NUFIP1: variants seen among roughly 807,000 people sequenced by gnomAD.
NUFIP1 encodes the protein FMR1-interacting protein NUFIP1.
In NUFIP1, 38 loss-of-function variants were observed where a neutral mutation model predicts 56.2. The ratio of observed to expected loss-of-function variants is 0.68; its 90% CI spans 0.52 to 0.89. The LOEUF is 0.89. NUFIP1 is among the 40% of genes least tolerant of loss of function. The probability of loss-of-function intolerance (pLI) is 0.00; values close to 1 mark genes in which losing one functional copy is unlikely to be tolerated. For synonymous variants in NUFIP1, 215 were observed against 212.4 expected (o/e 1.01, Z -0.10); for missense variants, 567 against 605.8 (o/e 0.94, Z 0.67).
At chr13:44,966,007 G>C in intron 5 of NUFIP1, 71 bp from the exon 6 acceptor site, 1 of 779,642 alleles carries the variant, frequency 1.3e-6, no homozygotes, top group Non-Finnish European at 1.9e-6. Flanking sequence ...TCAAGCAATT[G>C]CTGAATTTAG....
intron 7 of NUFIP1, among the ~76,000 whole-genome samples, chr13:44,955,298 C>T (rs978104252): frequency 1.3e-4 from 20 of 152,304 alleles, no homozygotes; most frequent in African/African-American, 2.4e-4. Context: ...AAAAGGCTTT[C>T]CCATCAAAAC....
chr13:44,950,421 CCA>C (rs1871050348), intron 7 of NUFIP1, among the ~76,000 whole-genome samples: 1 of 152,170 alleles, frequency 6.6e-6, no homozygotes, highest in South Asian at 2.1e-4. Flanking sequence ...TCTCGGCTCA[CCA>C]CAACCTCTGC....
Position 44,979,274 on chromosome 13 carries a change from GA to G in NUFIP1, c.658-9del, listed in dbSNP as rs34509344. The G allele has an allele frequency of 5.6e-6, 9 of 1,607,264 alleles. No homozygotes were observed. The highest frequency in any genetic ancestry group is 4.5e-5 in the South Asian group (4 of 89,594). ...CATGCCAGGAGCATGCATCTAGGGGGAAAAAGCCTGCTGAACATCAGGAGGC... is the reference window on the plus strand; with the variant it reads ...CATGCCAGGAGCATGCATCTAGGGGGAAAAGCCTGCTGAACATCAGGAGGC... On this transcript the variant is annotated splice_polypyrimidine_tract_variant and intron_variant, in intron 4 of 9. Coordinates refer to ENST00000379161, the MANE Select transcript of NUFIP1 (RefSeq NM_012345.3).
intron 6 of NUFIP1, 134 bp from the exon 7 acceptor site, chr13:44,959,708 A>T: frequency 2.9e-6 from 2 of 680,092 alleles, no homozygotes; most frequent in Non-Finnish European, 4.9e-6. Context: ...TAAAGAGACG[A>T]AAATAAAAGA....
intron 9 of NUFIP1, among the ~76,000 whole-genome samples, 189 bp from the exon 10 acceptor site, chr13:44,941,511 T>TTTTA (rs550537658): frequency 3.5e-4 from 53 of 152,292 alleles, no homozygotes; most frequent in African/African-American, 1.1e-3. Context: ...CTATCTAGCT[T>TTTTA]TTTATTTATT....
chr13:44,988,110 A>G (rs1394515904), intron 1 of NUFIP1, among the ~76,000 whole-genome samples: 3 of 152,232 alleles, frequency 2.0e-5, no homozygotes, highest in Admixed American at 2.0e-4. Flanking sequence ...CCTTATGACT[A>G]ACAATGACAT....
chr13:44,942,284 A>C lies in NUFIP1; in HGVS notation c.1372-962T>G, dbSNP rs563123054. ...GCTAGAAATCCCTGGTATTTAGAAC[A>C]AGCACATAATCAAGGAATCACATGT... On this transcript the variant is annotated intron_variant, in intron 9 of 9. Coordinates refer to ENST00000379161, the MANE Select transcript of NUFIP1 (RefSeq NM_012345.3). Among the ~76,000 whole-genome samples the C allele has an allele frequency of 2.6e-5, 4 of 152,344 alleles. No homozygotes were observed. The South Asian group carries it at 8.3e-4, about 32-fold the overall frequency.
intron 5 of NUFIP1, among the ~76,000 whole-genome samples, chr13:44,970,371 A>C (rs1273417715): frequency 6.6e-6 from 1 of 152,236 alleles, no homozygotes; most frequent in Non-Finnish European, 1.5e-5. Context: ...AAAGATAAGG[A>C]AGCCATATGC....
intron 2 of NUFIP1, 81 bp from the exon 3 acceptor site, chr13:44,980,901 A>G (rs1053555911): frequency 2.3e-5 from 19 of 816,354 alleles, no homozygotes; most frequent in Non-Finnish European, 3.7e-5. Flanking sequence ...TCATTCTAGT[A>G]ATACACACTT....
At chr13:44,943,716 A>C in intron 8 of NUFIP1, 42 bp from the exon 9 acceptor site, 4 of 1,496,428 alleles carry the variant, frequency 2.7e-6, no homozygotes, top group Non-Finnish European at 3.7e-6. Context: ...AACAAAACAA[A>C]ACAAAACAGG....
At chr13:44,967,409 G>C (rs570449358) in intron 5 of NUFIP1, among the ~76,000 whole-genome samples, 1 of 152,070 alleles carries the variant, frequency 6.6e-6, no homozygotes, top group South Asian at 2.1e-4. Context: ...TCAGGAGGCT[G>C]AGACAAGAGA....
At chr13:44,954,610 G>A (rs552653842) in intron 7 of NUFIP1, among the ~76,000 whole-genome samples, 3 of 151,834 alleles carry the variant, frequency 2.0e-5, no homozygotes, top group Admixed American at 6.6e-5. Context: ...TTACTTATCC[G>A]TACCCCCTGC....
At chr13:44,963,999 G>T (rs1348760936) in intron 6 of NUFIP1, among the ~76,000 whole-genome samples, 2 of 152,118 alleles carry the variant, frequency 1.3e-5, no homozygotes, top group African/African-American at 2.4e-5. Flanking sequence ...TTTGGTTGGG[G>T]TTTGCATGGT....
At position 44,989,215 on chromosome 13, in the gene NUFIP1, G is replaced by A. The variant is rs1055885349; in HGVS notation, c.222C>T (p.Leu74=). Residue 74 remains leucine, a synonymous_variant, in exon 1 of 10, where the codon CTC becomes CTT. Coordinates refer to ENST00000379161, the MANE Select transcript of NUFIP1 (RefSeq NM_012345.3). ...ESQPPMEAQS[L]PGAPPPFDAQ... ...CGTCGAAGGGGGGCGGAGCCCCGGG[G>A]AGAGACTGGGCCTCCATGGGGGGCT... is the stretch of plus-strand genomic sequence containing the variant. 3 of 1,611,614 alleles carry A rather than the reference G, an allele frequency of 1.9e-6. No individual in the cohort carries two copies. Among genetic ancestry groups the A allele is most frequent in the Non-Finnish European group, 2.5e-6 (3 of 1,178,880 alleles).
chr13:44,954,350 C>T (rs187342124), intron 7 of NUFIP1, among the ~76,000 whole-genome samples: 30 of 152,126 alleles, frequency 2.0e-4, no homozygotes, highest in Admixed American at 1.8e-3. Flanking sequence ...ACCATCCCCC[C>T]CTAAAAAAAT....
chr13:44,983,078 C>A (rs909095401), intron 1 of NUFIP1, among the ~76,000 whole-genome samples: 2 of 152,194 alleles, frequency 1.3e-5, no homozygotes, highest in South Asian at 4.1e-4. Context: ...TGATCTCACA[C>A]TCCTGGGCTC....
At chr13:44,954,867 A>G (rs1871175107) in intron 7 of NUFIP1, among the ~76,000 whole-genome samples, 1 of 152,166 alleles carries the variant, frequency 6.6e-6, no homozygotes, top group South Asian at 2.1e-4. Context: ...CTTTAAAACA[A>G]CCTAGGTTAC....
intron 5 of NUFIP1, among the ~76,000 whole-genome samples, chr13:44,978,032 G>A (rs1013321133): frequency 2.0e-5 from 3 of 152,162 alleles, no homozygotes; most frequent in Non-Finnish European, 4.4e-5. Context: ...CTCAGTGACA[G>A]AGACTCTGAC....
intron 5 of NUFIP1, among the ~76,000 whole-genome samples, chr13:44,978,420 T>C (rs1279381292): frequency 2.0e-5 from 3 of 152,200 alleles, no homozygotes; most frequent in Admixed American, 6.5e-5. Flanking sequence ...AAAAGAGCAG[T>C]TGACTTTAAA....
Sources: allele counts gnomAD v4.1 joint callset (sites outside exome capture counted in the v4.1 genomes callset), GRCh38; gene constraint gnomAD v4.1.1; transcripts MANE v1.5; gene names NCBI Gene and HGNC (gene_info 2026-07-23, HGNC 2026-07-21).